The following SIDT2 variants were observed in gnomAD, a reference collection of about 807,000 sequenced individuals.
SIDT2 encodes SID1 transmembrane family member 2, also known as SID1 transmembrane family, member 2.
In SIDT2, 68 loss-of-function variants were observed where a neutral mutation model predicts 114.4. The ratio of observed to expected loss-of-function variants is 0.59; its 90% CI spans 0.49 to 0.73. SIDT2 has a LOEUF of 0.73. Among genes scored for constraint, SIDT2 ranks in the 30% least tolerant of loss-of-function variants. The probability of loss-of-function intolerance (pLI) is 0.00; values close to 1 mark genes in which losing one functional copy is unlikely to be tolerated. For missense variants in SIDT2, 918 were observed against 1,097.1 expected (o/e 0.84, Z 2.31); for synonymous variants, 470 against 438.4 (o/e 1.07, Z -0.90).
At chr11:117,182,296 C>G (rs974178825) in intron 4 of SIDT2, 191 bp downstream of exon 4, 23 of 737,850 alleles carry the variant, frequency 3.1e-5, no homozygotes, top group Middle Eastern at 3.9e-4. Context: ...GACATGGAGT[C>G]TGGTTGCCTC....
rs372293183 is a variant in SIDT2 at position 117,181,442 on chromosome 11, C to A, written c.210C>A (p.Asn70Lys). The A allele has an allele frequency of 1.2e-6, 2 of 1,613,352 alleles. No individual in the cohort carries two copies. The highest frequency in any genetic ancestry group is 8.5e-7 in the Non-Finnish European group (1 of 1,179,888). ...CAGAGGGCGTGCGTGTGTCTGTGAA[C>A]GTCCTGAACAAGCAGAAGGGGGCGC... Reference protein sequence around the residue: ...NRTEGVRVSVNVLNKQKGAPL... With the variant: ...NRTEGVRVSVKVLNKQKGAPL... The change falls in exon 2 of 26, where the codon AAC becomes AAA. Residue 70 changes from asparagine (N) to lysine (K), a missense_variant. Asn to Lys is a moderately conservative substitution (Grantham distance 94). Transcript: ENST00000324225.
chr11:117,187,794 G>T, intron 12 of SIDT2, 95 bp downstream of exon 12: 1 of 1,200,770 alleles, frequency 8.3e-7, no homozygotes, highest in Non-Finnish European at 1.2e-6. Context: ...GCCAGATGCT[G>T]GAACCTGGGA....
At chr11:117,186,339 G>C (rs565361824) in intron 9 of SIDT2, 116 bp downstream of exon 9, 962 of 954,000 alleles carry the variant, frequency 1.0e-3, no homozygotes, top group Non-Finnish European at 1.4e-3. Context: ...CATAGCAGAT[G>C]ATGGTGGGGC....
chr11:117,187,685 C>A lies in SIDT2; in HGVS notation c.1145C>A (p.Ser382Tyr). The part of the protein sequence containing the change: ...LVDSAGTGDL[S>Y]YGYQGRSFEP... Reference sequence around the variant, plus strand: ...GACAGCGCTGGCACTGGGGACCTCTCTTACGGTTACCAGGGTGAGTGGGCC... The same window carrying A: ...GACAGCGCTGGCACTGGGGACCTCTATTACGGTTACCAGGGTGAGTGGGCC... The change falls in exon 12 of 26, where the codon TCT becomes TAT. Residue 382 changes from serine (S) to tyrosine (Y), a missense_variant. By Grantham distance (144) the Ser-to-Tyr change is moderately radical. Around this residue, in one of 4 missense-constraint regions of SIDT2, gnomAD observed 553 missense variants for 600.1 expected, o/e 0.92. Transcript: ENST00000324225. 1 of 1,613,974 alleles carries A rather than the reference C, an allele frequency of 6.2e-7. No individual in the cohort carries two copies. Among genetic ancestry groups the A allele is most frequent in the Non-Finnish European group, 8.5e-7 (1 of 1,179,992 alleles).
At position 117,196,373 on chromosome 11, in the gene SIDT2, T is replaced by C; in HGVS notation, c.*307T>C. ...TGTCCTTTGGCTCTCCATTTGTCCC[T>C]TTGCAAGAGGAAGGATGGAAGGGAC... is the stretch of plus-strand genomic sequence containing the variant. On this transcript the variant is annotated 3_prime_UTR_variant, in exon 26 of 26. Transcript: ENST00000324225. The surrounding 1 kb of genome is among the most constrained non-coding windows in gnomAD (Gnocchi z 4.9). The C allele has an allele frequency of 5.0e-6, 2 of 401,554 alleles. No homozygotes were observed. The highest frequency in any genetic ancestry group is 4.6e-6 in the Non-Finnish European group (1 of 217,988). The allele number at this position is 401,554 out of a possible 1,614,324, so 24.9% of individuals were successfully genotyped here.
intron 1 of SIDT2, 77 bp downstream of exon 1, chr11:117,179,523 C>T (rs1323047397): frequency 1.5e-5 from 23 of 1,494,376 alleles, no homozygotes; most frequent in Non-Finnish European, 1.8e-5. Flanking sequence ...GCCCCGCTAC[C>T]CTTTTGGGAG....
At position 117,195,085 on chromosome 11, in the gene SIDT2, C is replaced by CAAAAAAAAAAAAA. The variant is rs55970874; in HGVS notation, c.2323-700_2323-688dup. Among the ~76,000 whole-genome samples, 24 of 45,690 alleles carry CAAAAAAAAAAAAA rather than the reference C, an allele frequency of 5.3e-4. 8 individuals are homozygous for CAAAAAAAAAAAAA. The highest frequency in any genetic ancestry group is 7.9e-4 in the Non-Finnish European group (18 of 22,880). 30.0% of individuals were successfully genotyped at this position (45,690 alleles called of 152,430 possible). ...CTGTCAACAGAGCAAGACTCTGTCT[C>CAAAAAAAAAAAAA]AAAAAAAAAAAAAAAAAAAAAAAAA... On this transcript the variant is annotated intron_variant, in intron 24 of 25. Transcript: ENST00000324225.
Position 117,189,326 on chromosome 11 carries a change from G to C in SIDT2, c.1353-9G>C. ...CCACCCACCTCACTGCCGCCCTCCT[G>C]CTCCGCAGGAACATTGCCACCATTG... On this transcript the variant is annotated splice_polypyrimidine_tract_variant and intron_variant, in intron 14 of 25. Coordinates refer to ENST00000324225, the MANE Select transcript of SIDT2 (RefSeq NM_001040455.2). The C allele has an allele frequency of 6.2e-7, 1 of 1,614,210 alleles. No homozygotes were observed. Among genetic ancestry groups the C allele is most frequent in the South Asian group, 1.1e-5 (1 of 91,080 alleles).
intron 2 of SIDT2, 36 bp from the exon 3 acceptor site, chr11:117,181,771 A>C (rs1218572418): frequency 6.2e-7 from 1 of 1,613,602 alleles, no homozygotes; most frequent in South Asian, 1.1e-5. Context: ...CGGCTGGGAC[A>C]GTGCTCACAT....
Position 117,182,497 on chromosome 11 carries a change from CCCTT to C in SIDT2, c.517-14_517-11del. 1 of 1,605,134 alleles carries C rather than the reference CCCTT, an allele frequency of 6.2e-7. No individual in the cohort carries two copies. The highest frequency in any genetic ancestry group is 8.5e-7 in the Non-Finnish European group (1 of 1,171,836). On this transcript the variant is annotated intron_variant, in intron 4 of 25. Transcript: ENST00000324225. ...GAGCATCCTCATGAGATGGGGCTCT[CCCTT>C]CCTTCCTGCACCCTCAGTACTTCAA...
Position 117,188,963 on chromosome 11 carries a change from G to T in SIDT2, c.1278+137G>T. The T allele has an allele frequency of 9.6e-7, 1 of 1,039,826 alleles. No individual in the cohort carries two copies. The allele number at this position is 1,039,826 out of a possible 1,614,324, so 64.4% of individuals were successfully genotyped here. Reference sequence around the variant, plus strand: ...GCTCAGCTGGGGCAGGGCAGATGCCGGGGAAACTAACCTGACCTCCAACCC... The same window carrying T: ...GCTCAGCTGGGGCAGGGCAGATGCCTGGGAAACTAACCTGACCTCCAACCC... On this transcript the variant is annotated intron_variant, in intron 13 of 25. Transcript: ENST00000324225. This position sits in a 1 kb window ranked among gnomAD's most constrained non-coding sequence, Gnocchi z 4.0.
Position 117,188,616 on chromosome 11 carries a change from G to A in SIDT2, c.1160-92G>A. ...GCCCACAATTTGCCTCTTCCCTACTGCCTAATAATTGTTACAATTGCCTCA... is the reference window on the plus strand; with the variant it reads ...GCCCACAATTTGCCTCTTCCCTACTACCTAATAATTGTTACAATTGCCTCA... On this transcript the variant is annotated intron_variant, in intron 12 of 25. Coordinates refer to ENST00000324225, the MANE Select transcript of SIDT2 (RefSeq NM_001040455.2). This position sits in a 1 kb window ranked among gnomAD's most constrained non-coding sequence, Gnocchi z 4.0. 3 of 1,008,700 alleles carry A rather than the reference G, an allele frequency of 3.0e-6. No individual in the cohort carries two copies. The highest frequency in any genetic ancestry group is 4.7e-6 in the Non-Finnish European group (3 of 639,766). The allele number at this position is 1,008,700 out of a possible 1,614,324, so 62.5% of individuals were successfully genotyped here.
intron 1 of SIDT2, among the ~76,000 whole-genome samples, chr11:117,180,167 C>G (rs184330034): frequency 2.7e-4 from 41 of 152,212 alleles, no homozygotes; most frequent in African/African-American, 8.2e-4. Flanking sequence ...GTCTCGTGCC[C>G]GGGTCTCTTG....
Position 117,188,791 on chromosome 11 carries a change from G to T in SIDT2, c.1243G>T (p.Asp415Tyr). ...GGAGGATGACTACGACACATTGACC[G>T]ACATCGATTCCGACAAGAATGTCAT... ...VEEDDYDTLT[D>Y]IDSDKNVIRT... Residue 415 changes from aspartate to tyrosine, a missense_variant, in exon 13 of 26, where the codon GAC becomes TAC. Physicochemically the swap from Asp to Tyr is radical, Grantham distance 160 (BLOSUM62 -3). This residue lies in a region of SIDT2 where 553 missense variants were observed against 600.1 expected (regional missense o/e 0.92). Transcript: ENST00000324225. The surrounding 1 kb of genome is among the most constrained non-coding windows in gnomAD (Gnocchi z 4.0). 6.2e-7 allele frequency: 1 copy of T among 1,614,130 alleles called. No homozygotes were observed. The highest frequency in any genetic ancestry group is 8.5e-7 in the Non-Finnish European group (1 of 1,180,022).
At position 117,192,399 on chromosome 11, in the gene SIDT2, T is replaced by C. The variant is rs141172605; in HGVS notation, c.1981+37T>C. 9.1e-5 allele frequency: 133 copies of C among 1,456,458 alleles called. No homozygotes were observed. Among genetic ancestry groups the C allele is most frequent in the Non-Finnish European group, 1.2e-4 (128 of 1,041,222 alleles). The allele number at this position is 1,456,458 out of a possible 1,614,324, so 90.2% of individuals were successfully genotyped here. On this transcript the variant is annotated intron_variant, in intron 20 of 25. Transcript: ENST00000324225. The surrounding 1 kb of genome is among the most constrained non-coding windows in gnomAD (Gnocchi z 5.9). Reference sequence around the variant, plus strand: ...CCCGGGGCAGGGCCTGGGGGAGGGGTCTGGGGGGCCTTGGGAACCCGGACG... The same window carrying C: ...CCCGGGGCAGGGCCTGGGGGAGGGGCCTGGGGGGCCTTGGGAACCCGGACG...
Position 117,188,779 on chromosome 11 carries a change from G to C in SIDT2, c.1231G>C (p.Asp411His). The C allele has an allele frequency of 1.2e-6, 2 of 1,614,148 alleles. No homozygotes were observed. The highest frequency in any genetic ancestry group is 8.5e-7 in the Non-Finnish European group (1 of 1,180,024). The change falls in exon 13 of 26, where the codon GAC becomes CAC. Residue 411 changes from aspartate (D) to histidine (H), a missense_variant. Physicochemically the swap from Asp to His is moderately conservative, Grantham distance 81. Coordinates refer to ENST00000324225, the MANE Select transcript of SIDT2 (RefSeq NM_001040455.2). The surrounding 1 kb of genome is among the most constrained non-coding windows in gnomAD (Gnocchi z 4.0). ...GAGCTCTGTGGAGGAGGATGACTAC[G>C]ACACATTGACCGACATCGATTCCGA... ...SMSSVEEDDY[D>H]TLTDIDSDKN...
intron 13 of SIDT2, 48 bp from the exon 14 acceptor site, chr11:117,189,121 G>C: frequency 6.3e-7 from 1 of 1,581,872 alleles, no homozygotes; most frequent in African/African-American, 1.3e-5. Flanking sequence ...GGGGGAGGGG[G>C]CTTCTCCCAA....
At chr11:117,193,623 C>A (rs1449940942) in intron 23 of SIDT2, among the ~76,000 whole-genome samples, 1 of 152,168 alleles carries the variant, frequency 6.6e-6, no homozygotes, top group Non-Finnish European at 1.5e-5. Flanking sequence ...CGCCTTGAGG[C>A]CAGTGCACTG....
Position 117,191,949 on chromosome 11 carries a change from A to C in SIDT2, c.1807A>C (p.Asn603His). The C allele has an allele frequency of 6.2e-7, 1 of 1,614,116 alleles. No homozygotes were observed. The highest frequency in any genetic ancestry group is 8.5e-7 in the Non-Finnish European group (1 of 1,180,018). Residue 603 changes from asparagine (N) to histidine (H), a missense_variant, in exon 19 of 26, where the codon AAC (asparagine) becomes CAC (histidine). Physicochemically the swap from Asn to His is moderately conservative, Grantham distance 68. This residue lies in a region of SIDT2 where 275 missense variants were observed against 397.6 expected (regional missense o/e 0.69). Transcript: ENST00000324225. ...CTACCAGAAGCGGCACCCGGACATCAACGCCAGCGCCTACAGTGCCTACGC... is the reference window on the plus strand; with the variant it reads ...CTACCAGAAGCGGCACCCGGACATCCACGCCAGCGCCTACAGTGCCTACGC... ...KLYQKRHPDI[N>H]ASAYSAYACL...
Sources: allele counts gnomAD v4.1 joint callset (sites outside exome capture counted in the v4.1 genomes callset), GRCh38; gene constraint gnomAD v4.1.1; regional missense constraint gnomAD v4.1.1; non-coding constraint Gnocchi (gnomAD v3.1); transcripts MANE v1.5; gene names NCBI Gene and HGNC (gene_info 2026-07-23, HGNC 2026-07-21).